MARCHF7: variants seen among roughly 807,000 people sequenced by gnomAD.
The protein encoded by MARCHF7 is E3 ubiquitin-protein ligase MARCHF7.
Under a neutral mutation model 76.5 loss-of-function variants are expected in MARCHF7, and 20 were observed. The ratio of observed to expected loss-of-function variants is 0.26; its 90% CI spans 0.18 to 0.38. MARCHF7 has a LOEUF of 0.38. Ranked by LOEUF, MARCHF7 falls within the 10% of genes least tolerant of loss-of-function variation. MARCHF7 has a pLI of 1.00. For synonymous variants in MARCHF7, 295 were observed against 293.0 expected (o/e 1.01, Z -0.07); for missense variants, 797 against 812.9 (o/e 0.98, Z 0.24).
Position 159,752,289 on chromosome 2 carries a change from C to T in MARCHF7, c.1614-113C>T, listed in dbSNP as rs541040897. The stretch of plus-strand genomic sequence containing the variant: ...GTTGTTACTGTTTGCTTTTTTCCAC[C>T]CAGAGACAGTGTGAGTAGAAATAAC... On this transcript the variant is annotated intron_variant, in intron 7 of 11. Transcript: ENST00000409175. The T allele has an allele frequency of 1.8e-5, 17 of 957,098 alleles. No individual in the cohort carries two copies. The South Asian group carries it at 5.1e-4, about 29-fold the overall frequency. 59.3% of individuals were successfully genotyped at this position (957,098 alleles called of 1,614,324 possible).
intron 4 of MARCHF7, among the ~76,000 whole-genome samples, chr2:159,735,489 C>T (rs1189718917): frequency 6.6e-6 from 1 of 152,224 alleles, no homozygotes; most frequent in Non-Finnish European, 1.5e-5. Context: ...TCTAGTCCCT[C>T]TTCCCCTACC....
At chr2:159,735,100 C>T (rs1278236481) in intron 4 of MARCHF7, among the ~76,000 whole-genome samples, 1 of 152,194 alleles carries the variant, frequency 6.6e-6, no homozygotes, top group Non-Finnish European at 1.5e-5. Context: ...TACTCTCCAT[C>T]ACATGAATAT....
At chr2:159,755,049 G>A (rs1438916192) in intron 8 of MARCHF7, among the ~76,000 whole-genome samples, 2 of 152,154 alleles carry the variant, frequency 1.3e-5, no homozygotes, top group East Asian at 1.9e-4. Flanking sequence ...CTTTTGCCAG[G>A]CAAATATGAT....
intron 5 of MARCHF7, among the ~76,000 whole-genome samples, chr2:159,744,501 T>C (rs1219192325): frequency 6.6e-6 from 1 of 152,254 alleles, no homozygotes; most frequent in Admixed American, 6.5e-5. Flanking sequence ...CTCATACTCC[T>C]CTTCCAATGA....
chr2:159,739,043 A>G (rs1703809161), intron 4 of MARCHF7, among the ~76,000 whole-genome samples: 1 of 152,182 alleles, frequency 6.6e-6, no homozygotes, highest in Non-Finnish European at 1.5e-5. Context: ...GCATGCGCAT[A>G]CACACCTGGA....
At chr2:159,734,272 T>A (rs1703181397) in intron 4 of MARCHF7, among the ~76,000 whole-genome samples, 1 of 152,092 alleles carries the variant, frequency 6.6e-6, no homozygotes, top group African/African-American at 2.4e-5. Flanking sequence ...GAAATAATTT[T>A]AAAAGGAGGC....
chr2:159,752,911 A>T (rs149488986), intron 8 of MARCHF7, among the ~76,000 whole-genome samples: 27 of 152,308 alleles, frequency 1.8e-4, no homozygotes, highest in African/African-American at 6.3e-4. Context: ...AGAAAGATTT[A>T]TTTCTAATGT....
At chr2:159,761,027 ATTTT>A (rs34380779) in intron 9 of MARCHF7, among the ~76,000 whole-genome samples, 2 of 139,872 alleles carry the variant, frequency 1.4e-5, no homozygotes, top group Non-Finnish European at 1.6e-5. Context: ...TAACCATTTA[ATTTT>A]TTTTTTTTTT....
chr2:159,745,392 G>A (rs774531789), intron 5 of MARCHF7, among the ~76,000 whole-genome samples: 15 of 152,204 alleles, frequency 9.9e-5, no homozygotes, highest in African/African-American at 1.4e-4. Flanking sequence ...GCGGTGGCTC[G>A]TGCTGTGATC....
Position 159,752,506 on chromosome 2 carries a change from C to T in MARCHF7, c.1718C>T (p.Thr573Ile). The change falls in exon 8 of 12, where the codon ACA becomes ATA. Residue 573 changes from threonine (T) to isoleucine (I), a missense_variant. Physicochemically the swap from Thr to Ile is moderately conservative, Grantham distance 89. Around this residue, in one of 3 missense-constraint regions of MARCHF7, gnomAD observed 30 missense variants for 60.1 expected, o/e 0.50. Transcript: ENST00000409175. ...SNLLIEPCKC[T>I]GSLQYVHQDC... ...TTGCTGATAGAGCCATGCAAGTGCA[C>T]AGGAAGTTTGCAGTATGTCCACCAA... 1.2e-6 allele frequency: 2 copies of T among 1,601,662 alleles called. No individual in the cohort carries two copies. The highest frequency in any genetic ancestry group is 2.3e-5 in the East Asian group (1 of 43,932).
intron 3 of MARCHF7, among the ~76,000 whole-genome samples, chr2:159,718,775 C>T (rs1190118569): frequency 2.6e-5 from 4 of 152,020 alleles, no homozygotes; most frequent in Non-Finnish European, 4.4e-5. Flanking sequence ...TTTCAATTTA[C>T]TTTTTCATAG....
At chr2:159,720,252 A>G (rs541075942) in intron 3 of MARCHF7, among the ~76,000 whole-genome samples, 2 of 152,142 alleles carry the variant, frequency 1.3e-5, no homozygotes, top group African/African-American at 2.4e-5. Flanking sequence ...TCTTGAACTC[A>G]TGACCTCGTG....
rs970305061 is a variant in MARCHF7, at chr2:159,734,140, AAG to A, written c.153+4966_153+4967del. 8.5e-5 allele frequency: 99 copies of A among 1,170,406 alleles called. No individual in the cohort carries two copies. In the African/African-American group the frequency reaches 9.6e-4, roughly 11 times the overall value. The allele number at this position is 1,170,406 out of a possible 1,614,324, so 72.5% of individuals were successfully genotyped here. On this transcript the variant is annotated intron_variant, in intron 4 of 11. Transcript: ENST00000409175. The stretch of plus-strand genomic sequence containing the variant: ...TTTAATTTCTATAAATATTGTTAAA[AAG>A]GGGTTATTTGTGGATATGTAATTTT...
At chr2:159,749,036 T>TG in intron 7 of MARCHF7, 133 bp downstream of exon 7, 1 of 1,033,474 alleles carries the variant, frequency 9.7e-7, no homozygotes, top group Non-Finnish European at 1.3e-6. Flanking sequence ...TGGAGTGTAA[T>TG]GGCACCATCT....
intron 4 of MARCHF7, chr2:159,733,958 T>C: frequency 2.3e-6 from 3 of 1,278,784 alleles, no homozygotes; most frequent in Non-Finnish European, 1.0e-6. Flanking sequence ...CTTTCAGTTC[T>C]CAGCCATTTG....
chr2:159,753,232 A>G (rs1705869292), intron 8 of MARCHF7, among the ~76,000 whole-genome samples: 1 of 152,140 alleles, frequency 6.6e-6, no homozygotes, highest in African/African-American at 2.4e-5. Flanking sequence ...AATTATGCAT[A>G]GTGTGGCTGG....
Position 159,759,284 on chromosome 2 carries a change from C to T in MARCHF7, c.1842C>T (p.Asn614=). 6.2e-7 allele frequency: 1 copy of T among 1,612,326 alleles called. No homozygotes were observed. The highest frequency in any genetic ancestry group is 1.1e-5 in the South Asian group (1 of 90,938). The change falls in exon 9 of 12, where the codon AAC becomes AAT. Residue 614 remains asparagine (N), a synonymous_variant. Coordinates refer to ENST00000409175, the MANE Select transcript of MARCHF7 (RefSeq NM_001282805.2). ...TATGTAAAGAGAAGTTGGAGCTTAACCTGGAGGATTTTGATATTCATGAAC... is the reference window on the plus strand; with the variant it reads ...TATGTAAAGAGAAGTTGGAGCTTAATCTGGAGGATTTTGATATTCATGAAC... ...CELCKEKLEL[N]LEDFDIHELH...
At chr2:159,726,717 T>C (rs567609364) in intron 3 of MARCHF7, among the ~76,000 whole-genome samples, 2 of 152,230 alleles carry the variant, frequency 1.3e-5, no homozygotes, top group Non-Finnish European at 2.9e-5. Context: ...ATATTCATAA[T>C]GTTGTGCAAA....
chr2:159,713,407 C>G (rs959551353), intron 1 of MARCHF7, among the ~76,000 whole-genome samples: 12 of 152,318 alleles, frequency 7.9e-5, no homozygotes, highest in African/African-American at 2.9e-4. Context: ...GAAAGTCTAT[C>G]TGGGTAATAA....
Sources: allele counts gnomAD v4.1 joint callset (sites outside exome capture counted in the v4.1 genomes callset), GRCh38; gene constraint gnomAD v4.1.1; regional missense constraint gnomAD v4.1.1; transcripts MANE v1.5; gene names NCBI Gene and HGNC (gene_info 2026-07-23, HGNC 2026-07-21).